The following CCSER1 variants were observed in gnomAD, a reference collection of about 807,000 sequenced individuals.
CCSER1 encodes serine-rich coiled-coil domain-containing protein 1.
A neutral mutation model predicts 82.0 loss-of-function variants in CCSER1; 41 were observed. The ratio of observed to expected loss-of-function variants is 0.50; its 90% confidence interval spans 0.39 to 0.65. The LOEUF (loss-of-function observed/expected upper bound fraction) is 0.65. Among genes scored for constraint, CCSER1 ranks in the 30% least tolerant of loss-of-function variants. The probability of loss-of-function intolerance (pLI) is 0.00; values close to 1 mark genes in which losing one functional copy is unlikely to be tolerated. For missense variants in CCSER1, 1,119 were observed against 1,064.2 expected (o/e 1.05, Z -0.72); for synonymous variants, 414 against 383.9 (o/e 1.08, Z -0.92).
At chr4:91,098,754 G>A (rs887304002) in intron 10 of CCSER1, among the ~76,000 whole-genome samples, 27 of 152,022 alleles carry the variant, frequency 1.8e-4, no homozygotes, top group African/African-American at 6.3e-4. Context: ...TGTTAGCCAG[G>A]GTGGTCTGGA....
In CCSER1 at chr4:91,486,916, G is replaced by A. The variant is rs1455002469; in HGVS notation, c.2218-111656G>A. Among the ~76,000 whole-genome samples, 5 of 152,102 alleles carry A rather than the reference G, an allele frequency of 3.3e-5. No individual in the cohort carries two copies. In the East Asian group the frequency reaches 9.7e-4, roughly 29 times the overall value. On this transcript the variant is annotated intron_variant, in intron 10 of 10. Transcript: ENST00000509176. ...TAGGGATTGATTACCATTGTATAAT[G>A]TTAGTATAAAAATTTTAATCATGTT...
At chr4:91,035,946 C>T (rs1741393993) in intron 9 of CCSER1, among the ~76,000 whole-genome samples, 3 of 152,178 alleles carry the variant, frequency 2.0e-5, no homozygotes, top group African/African-American at 4.8e-5. Context: ...CACCACTTGG[C>T]TGGCTATTCT....
intron 1 of CCSER1, among the ~76,000 whole-genome samples, chr4:90,267,572 G>T (rs2153451860): frequency 6.6e-6 from 1 of 152,298 alleles, no homozygotes; most frequent in South Asian, 2.1e-4. Flanking sequence ...ACCCAGCATA[G>T]TCCCAGTGGG....
chr4:90,484,310 G>T (rs1188279006), intron 5 of CCSER1, among the ~76,000 whole-genome samples: 2 of 152,042 alleles, frequency 1.3e-5, no homozygotes, highest in Non-Finnish European at 2.9e-5. Context: ...ATTTGCCATT[G>T]GTTCGAACTT....
chr4:90,995,649 T>A (rs1581284372), intron 9 of CCSER1, among the ~76,000 whole-genome samples: 1 of 152,090 alleles, frequency 6.6e-6, no homozygotes, highest in East Asian at 1.9e-4. Context: ...TAAAGTTATA[T>A]TACTTTTTAT....
intron 3 of CCSER1, among the ~76,000 whole-genome samples, chr4:90,320,883 G>A (rs1223090196): frequency 2.6e-5 from 4 of 152,032 alleles, no homozygotes; most frequent in Non-Finnish European, 5.9e-5. Flanking sequence ...GTAATACTTA[G>A]CACCTACATT....
At chr4:90,187,358 ATTTT>A (rs67308500) in intron 1 of CCSER1, among the ~76,000 whole-genome samples, 17 of 130,420 alleles carry the variant, frequency 1.3e-4, no homozygotes, top group Non-Finnish European at 1.0e-4. Context: ...TACAGTAGCT[ATTTT>A]TTTTTTTTTT....
intron 5 of CCSER1, among the ~76,000 whole-genome samples, chr4:90,598,477 T>A (rs1480149892): frequency 6.6e-6 from 1 of 152,166 alleles, no homozygotes; most frequent in African/African-American, 2.4e-5. Context: ...CAATATTTGT[T>A]ATCTCTTACC....
intron 7 of CCSER1, chr4:90,780,520 C>G (rs1753628332): frequency 6.3e-7 from 1 of 1,596,576 alleles, no homozygotes; most frequent in South Asian, 1.1e-5. Context: ...GATGATCCAC[C>G]ATGACTTATT....
chr4:90,577,178 G>C (rs751361571), intron 5 of CCSER1, among the ~76,000 whole-genome samples: 1 of 151,944 alleles, frequency 6.6e-6, no homozygotes, highest in African/African-American at 2.4e-5. Flanking sequence ...TTTTGTTGAC[G>C]TATCTGTTTA....
chr4:91,522,376 C>T lies in CCSER1; in HGVS notation c.2218-76196C>T, dbSNP rs115650806. Among the ~76,000 whole-genome samples the T allele has an allele frequency of 5.4e-3, 827 of 152,072 alleles. 8 individuals are homozygous for T. The highest frequency in any genetic ancestry group is 0.019 in the African/African-American group (794 of 41,516). On this transcript the variant is annotated intron_variant, in intron 10 of 10. Coordinates refer to ENST00000509176, the MANE Select transcript of CCSER1 (RefSeq NM_001145065.2). ...GGCTATGTGAGCTCTATTTTGGTTC[C>T]ATATGAATGTTAGTTTTTTCTAATT...
chr4:90,411,711 C>G (rs1754861095), intron 4 of CCSER1, among the ~76,000 whole-genome samples: 2 of 152,178 alleles, frequency 1.3e-5, no homozygotes. Flanking sequence ...AAAACTGGCA[C>G]AAGACAGGGA....
At chr4:91,343,575 G>T (rs1480129625) in intron 10 of CCSER1, among the ~76,000 whole-genome samples, 1 of 152,120 alleles carries the variant, frequency 6.6e-6, no homozygotes, top group Non-Finnish European at 1.5e-5. Flanking sequence ...AGAAATGATT[G>T]TGGGTGCTCT....
intron 10 of CCSER1, among the ~76,000 whole-genome samples, chr4:91,271,587 G>A (rs543631561): frequency 1.1e-4 from 16 of 151,908 alleles, no homozygotes; most frequent in Non-Finnish European, 1.5e-4. Flanking sequence ...CATCCAGGTC[G>A]CTGCAAATGC....
intron 10 of CCSER1, among the ~76,000 whole-genome samples, chr4:91,185,220 G>T (rs182522380): frequency 1.3e-5 from 2 of 152,292 alleles, no homozygotes; most frequent in Admixed American, 1.3e-4. Context: ...AAATCCTCCT[G>T]TGTGTTTAAT....
At chr4:91,158,451 C>T (rs899340071) in intron 10 of CCSER1, among the ~76,000 whole-genome samples, 2 of 151,912 alleles carry the variant, frequency 1.3e-5, no homozygotes, top group African/African-American at 4.8e-5. Context: ...AAAATGTTTT[C>T]CCTCTTTTGT....
At chr4:90,693,878 A>G (rs1736491841) in intron 6 of CCSER1, among the ~76,000 whole-genome samples, 1 of 151,422 alleles carries the variant, frequency 6.6e-6, no homozygotes, top group South Asian at 2.1e-4. Context: ...GAAGAAAGAG[A>G]GAAAGAAAGA....
At chr4:91,430,686 G>A (rs905151349) in intron 10 of CCSER1, among the ~76,000 whole-genome samples, 1 of 152,200 alleles carries the variant, frequency 6.6e-6, no homozygotes, top group African/African-American at 2.4e-5. Flanking sequence ...ATTCGGCTAA[G>A]TTGAAAACCA....
chr4:91,537,301 C>G (rs1761346034), intron 10 of CCSER1, among the ~76,000 whole-genome samples: 2 of 152,008 alleles, frequency 1.3e-5, no homozygotes, highest in Non-Finnish European at 2.9e-5. Context: ...TGCTTTTAAC[C>G]ACCATACGGT....
Sources: gnomAD v4.1 joint callset for allele counts (sites outside exome capture counted in the v4.1 genomes callset) on GRCh38, gnomAD v4.1.1 for gene constraint, MANE v1.5 for transcripts, NCBI Gene and HGNC (gene_info 2026-07-23, HGNC 2026-07-21) for gene names.